Variants in NLGN1 observed in about 807,000 individuals in gnomAD.
The protein encoded by NLGN1 is neuroligin 1.
In NLGN1, 12 loss-of-function variants were observed where a neutral mutation model predicts 65.5. That is an observed-to-expected ratio of 0.18 (90% CI 0.12 to 0.30). NLGN1 has a LOEUF of 0.30. Ranked by LOEUF, NLGN1 falls within the 10% of genes least tolerant of loss-of-function variation. The probability of loss-of-function intolerance (pLI) is 1.00; values close to 1 mark genes in which losing one functional copy is unlikely to be tolerated. For synonymous variants in NLGN1, 350 were observed against 359.5 expected (o/e 0.97, Z 0.30); for missense variants, 750 against 1,007.1 (o/e 0.74, Z 3.46).
chr3:174,034,463 A>T (rs1730697722), intron 4 of NLGN1, among the ~76,000 whole-genome samples: 1 of 152,088 alleles, frequency 6.6e-6, no homozygotes, highest in Non-Finnish European at 1.5e-5. Context: ...AAAGATAACT[A>T]TTAAAAAATA....
chr3:174,107,017 C>CAAAG (rs773314392), intron 4 of NLGN1, among the ~76,000 whole-genome samples: 1 of 97,644 alleles, frequency 1.0e-5, no homozygotes, highest in Non-Finnish European at 2.0e-5. Flanking sequence ...CACACACACA[C>CAAAG]AGAGAGAGAG....
chr3:174,228,901 GT>G (rs1216555234), intron 4 of NLGN1, among the ~76,000 whole-genome samples: 4 of 152,012 alleles, frequency 2.6e-5, no homozygotes, highest in Admixed American at 6.6e-5. Context: ...TTCCTGGAGA[GT>G]TTTTACCTTG....
At chr3:173,812,170 C>T (rs994452882) in intron 4 of NLGN1, among the ~76,000 whole-genome samples, 2 of 152,108 alleles carry the variant, frequency 1.3e-5, no homozygotes, top group Non-Finnish European at 2.9e-5. Flanking sequence ...AATATTTACA[C>T]CACCCGTCCA....
chr3:173,949,967 T>TA lies in NLGN1; in HGVS notation c.646+142136dup, dbSNP rs553426895. ...CTGAGTACTTATTAACTGTTAGCAA[T>TA]AGATATAGTTCTGAAAGATAGATAT... On this transcript the variant is annotated intron_variant, in intron 4 of 6. Coordinates refer to ENST00000457714, the Ensembl canonical transcript of NLGN1. 9.8e-5 allele frequency among the ~76,000 whole-genome samples: 15 copies of TA among 152,314 alleles called. No individual in the cohort carries two copies. The South Asian group carries it at 3.1e-3, about 32-fold the overall frequency.
chr3:174,129,394 C>CACACACAT (rs1719683541), intron 4 of NLGN1, among the ~76,000 whole-genome samples: 1 of 147,784 alleles, frequency 6.8e-6, no homozygotes, highest in Non-Finnish European at 1.5e-5. Flanking sequence ...CACACACACA[C>CACACACAT]ACACACTCAT....
At chr3:174,225,630 C>A (rs941327232) in intron 4 of NLGN1, among the ~76,000 whole-genome samples, 1 of 151,964 alleles carries the variant, frequency 6.6e-6, no homozygotes, top group Non-Finnish European at 1.5e-5. Flanking sequence ...ACTCCGGAGC[C>A]TGAGGCAGGA....
At chr3:173,791,520 GT>G (rs200604296) in intron 3 of NLGN1, among the ~76,000 whole-genome samples, 1,980 of 133,584 alleles carry the variant, frequency 0.015, 20 homozygotes, top group African/African-American at 0.035. Flanking sequence ...AGTTTCTTCT[GT>G]TTTTTTTTTT....
chr3:173,821,834 A>C (rs1343594063), intron 4 of NLGN1, among the ~76,000 whole-genome samples: 2 of 152,174 alleles, frequency 1.3e-5, no homozygotes, highest in Non-Finnish European at 2.9e-5. Context: ...AAAGTAATTA[A>C]ATAAATAATT....
chr3:173,977,566 A>G (rs1169187687), intron 4 of NLGN1, among the ~76,000 whole-genome samples: 1 of 152,028 alleles, frequency 6.6e-6, no homozygotes, highest in Non-Finnish European at 1.5e-5. Flanking sequence ...CAATTTTTAT[A>G]CTAGAAGACA....
At chr3:173,968,397 G>A (rs1006614026) in intron 4 of NLGN1, among the ~76,000 whole-genome samples, 7 of 151,924 alleles carry the variant, frequency 4.6e-5, no homozygotes, top group African/African-American at 1.7e-4. Flanking sequence ...CTGATTATGG[G>A]ATATATCTGT....
intron 4 of NLGN1, among the ~76,000 whole-genome samples, chr3:173,851,335 C>G (rs1191325003): frequency 6.6e-6 from 1 of 152,044 alleles, no homozygotes; most frequent in Non-Finnish European, 1.5e-5. Flanking sequence ...AATAAAGTTT[C>G]TTTTATTGTT....
At chr3:173,695,567 T>C (rs1400129341) in intron 3 of NLGN1, 2 of 352,350 alleles carry the variant, frequency 5.7e-6, no homozygotes, top group Non-Finnish European at 1.1e-5. Flanking sequence ...CCTCTTACAC[T>C]ATACTAGCAT....
chr3:174,196,859 T>C (rs1004546934), intron 4 of NLGN1, among the ~76,000 whole-genome samples: 15 of 152,208 alleles, frequency 9.9e-5, no homozygotes, highest in African/African-American at 3.6e-4. Flanking sequence ...ATATTGACTT[T>C]ATTCATCTTT....
intron 4 of NLGN1, among the ~76,000 whole-genome samples, chr3:174,086,053 A>G (rs1285076706): frequency 6.6e-6 from 1 of 151,898 alleles, no homozygotes; most frequent in African/African-American, 2.4e-5. Flanking sequence ...AAGGCCAAAT[A>G]GTACAAAAAC....
intron 4 of NLGN1, among the ~76,000 whole-genome samples, chr3:174,105,481 C>T (rs575986771): frequency 6.6e-6 from 1 of 152,172 alleles, no homozygotes; most frequent in South Asian, 2.1e-4. Flanking sequence ...GATGTCAAGA[C>T]TGCAGTGAGT....
At chr3:174,263,567 C>T (rs2152862849) in intron 4 of NLGN1, among the ~76,000 whole-genome samples, 1 of 152,028 alleles carries the variant, frequency 6.6e-6, no homozygotes, top group East Asian at 1.9e-4. Context: ...TATATTGAGC[C>T]TATGTGTGTC....
At chr3:173,415,379 T>A (rs1339282745) in intron 1 of NLGN1, among the ~76,000 whole-genome samples, 2 of 152,220 alleles carry the variant, frequency 1.3e-5, no homozygotes, top group African/African-American at 4.8e-5. Context: ...CTGATCCTTA[T>A]TTTTTAAGTT....
intron 3 of NLGN1, among the ~76,000 whole-genome samples, chr3:173,648,670 A>G (rs1344937428): frequency 6.6e-6 from 1 of 151,630 alleles, no homozygotes; most frequent in African/African-American, 2.4e-5. Flanking sequence ...TGCCTCCTGG[A>G]TTCAAGCCAT....
At chr3:173,553,079 G>A (rs956022884) in intron 2 of NLGN1, among the ~76,000 whole-genome samples, 6 of 152,230 alleles carry the variant, frequency 3.9e-5, no homozygotes, top group African/African-American at 1.2e-4. Flanking sequence ...GGGGCAGTGC[G>A]TTAGATCACA....
Sources: gnomAD v4.1 joint callset for allele counts (sites outside exome capture counted in the v4.1 genomes callset) on GRCh38, gnomAD v4.1.1 for gene constraint, MANE v1.5 for transcripts, NCBI Gene and HGNC (gene_info 2026-07-23, HGNC 2026-07-21) for gene names.